Variants in PRKN observed in about 807,000 individuals in gnomAD.
The protein encoded by PRKN is E3 ubiquitin-protein ligase parkin.
In PRKN, 56 loss-of-function variants were observed where a neutral mutation model predicts 59.5. That is an observed-to-expected ratio of 0.94 (90% CI 0.76 to 1.18). The LOEUF is 1.18. Ranked by LOEUF, PRKN falls within the 50% of genes most tolerant of loss-of-function variation. PRKN has a pLI of 0.00. For missense variants in PRKN, 657 were observed against 596.4 expected (o/e 1.10, Z -1.06); for synonymous variants, 250 against 222.1 (o/e 1.13, Z -1.12).
At chr6:162,160,364 G>T (rs899320914) in intron 4 of PRKN, among the ~76,000 whole-genome samples, 5 of 152,122 alleles carry the variant, frequency 3.3e-5, no homozygotes, top group African/African-American at 9.7e-5. Flanking sequence ...AAATTATAGT[G>T]ACATAAAACC....
At chr6:162,134,737 T>C (rs1309991821) in intron 4 of PRKN, among the ~76,000 whole-genome samples, 1 of 152,078 alleles carries the variant, frequency 6.6e-6, no homozygotes, top group Non-Finnish European at 1.5e-5. Context: ...GCATGGAGAA[T>C]TGATTGGAAA....
intron 4 of PRKN, among the ~76,000 whole-genome samples, chr6:162,058,209 A>G (rs979144702): frequency 6.6e-6 from 1 of 152,218 alleles, no homozygotes; most frequent in Admixed American, 6.5e-5. Context: ...CCTTGGCTTC[A>G]TATTACTTTC....
At chr6:162,075,657 G>C (rs555113342) in intron 4 of PRKN, among the ~76,000 whole-genome samples, 1 of 151,920 alleles carries the variant, frequency 6.6e-6, no homozygotes, top group Non-Finnish European at 1.5e-5. Flanking sequence ...GTTTTGGAGT[G>C]GTGGAGGTGA....
rs1032524044 is a variant in PRKN, at chr6:161,470,286, T to C, written c.1083+78568A>G. On this transcript the variant is annotated intron_variant, in intron 9 of 11. Transcript: ENST00000366898. The surrounding 1 kb of genome is among the most constrained non-coding windows in gnomAD (Gnocchi z 5.1). ...CTTTGCTGTCATAGGCCCATTAGGGTATTATTTAATGTAGTCACTCATCTA... is the reference window on the plus strand; with the variant it reads ...CTTTGCTGTCATAGGCCCATTAGGGCATTATTTAATGTAGTCACTCATCTA... Among the ~76,000 whole-genome samples the C allele has an allele frequency of 1.3e-5, 2 of 152,224 alleles. No homozygotes were observed. The highest frequency in any genetic ancestry group is 2.9e-5 in the Non-Finnish European group (2 of 68,030).
intron 1 of PRKN, among the ~76,000 whole-genome samples, chr6:162,556,370 T>TGTGCGCGC (rs1209351399): frequency 4.0e-5 from 4 of 99,298 alleles, no homozygotes; most frequent in Non-Finnish European, 7.2e-5. Flanking sequence ...TGTGTGTGTG[T>TGTGCGCGC]GTGTGTGTGT....
At chr6:162,146,545 C>T (rs781549473) in intron 4 of PRKN, among the ~76,000 whole-genome samples, 23 of 151,472 alleles carry the variant, frequency 1.5e-4, no homozygotes, top group Non-Finnish European at 2.4e-4. Flanking sequence ...TGCTCAGTCA[C>T]GCAAGCAGGA....
intron 1 of PRKN, among the ~76,000 whole-genome samples, chr6:162,694,278 T>C (rs1268602531): frequency 2.7e-5 from 4 of 148,380 alleles, no homozygotes; most frequent in Non-Finnish European, 5.9e-5. Flanking sequence ...GGAGTGCTGG[T>C]AGACATTTCT....
chr6:161,366,036 G>A (rs1785183201), intron 10 of PRKN, among the ~76,000 whole-genome samples: 1 of 152,206 alleles, frequency 6.6e-6, no homozygotes, highest in African/African-American at 2.4e-5. Flanking sequence ...TCCCCGGATC[G>A]ATATGTTGAA....
chr6:161,897,984 A>AAAAAAAAAAAAAAAAT lies in PRKN; in HGVS notation c.734+75317_734+75318insATTTTTTTTTTTTTTT, dbSNP rs1554244227. On this transcript the variant is annotated intron_variant, in intron 6 of 11. Coordinates refer to ENST00000366898, the MANE Select transcript of PRKN (RefSeq NM_004562.3). ...TCCGTCTCAAAAAAAAAAAAAAAAA[A>AAAAAAAAAAAAAAAAT]GTCTCCCAGTTGCATAGAAAAGGTT... Among the ~76,000 whole-genome samples the AAAAAAAAAAAAAAAAT allele has an allele frequency of 1.9e-3, 229 of 117,654 alleles. 20 individuals carry two copies. The highest frequency in any genetic ancestry group is 0.01 in the South Asian group (40 of 3,822). The allele number at this position is 117,654 out of a possible 152,430, so 77.2% of individuals were successfully genotyped here.
intron 1 of PRKN, among the ~76,000 whole-genome samples, chr6:162,602,722 C>T (rs1229916969): frequency 6.6e-6 from 1 of 152,178 alleles, no homozygotes; most frequent in African/African-American, 2.4e-5. Flanking sequence ...AACATTTTCA[C>T]ATGCAAACAA....
At chr6:162,438,782 C>G (rs2128165887) in intron 2 of PRKN, among the ~76,000 whole-genome samples, 1 of 152,208 alleles carries the variant, frequency 6.6e-6, no homozygotes, top group Middle Eastern at 3.4e-3. Context: ...TTGGGTTTTT[C>G]CTGTTTTAGA....
intron 4 of PRKN, among the ~76,000 whole-genome samples, chr6:162,136,313 T>C (rs1781562932): frequency 6.6e-6 from 1 of 152,144 alleles, no homozygotes; most frequent in East Asian, 1.9e-4. Context: ...AACGATTTGA[T>C]GCATTTCAGC....
At chr6:162,404,832 G>A (rs1345397723) in intron 2 of PRKN, among the ~76,000 whole-genome samples, 6 of 152,108 alleles carry the variant, frequency 3.9e-5, no homozygotes, top group Admixed American at 1.3e-4. Context: ...GATTACAGGC[G>A]TGAGCTACTG....
At chr6:162,384,653 A>AAC (rs1213231463) in intron 2 of PRKN, among the ~76,000 whole-genome samples, 8 of 135,516 alleles carry the variant, frequency 5.9e-5, no homozygotes, top group South Asian at 5.4e-4. Context: ...TTTGTAAAAA[A>AAC]AAAAAAAAAC....
chr6:161,698,824 A>G (rs1197977477), intron 7 of PRKN, among the ~76,000 whole-genome samples: 1 of 152,196 alleles, frequency 6.6e-6, no homozygotes, highest in African/African-American at 2.4e-5. Flanking sequence ...AAGGTAAAAC[A>G]CTAAACTATA....
chr6:162,268,259 G>C (rs1445607167), intron 2 of PRKN, among the ~76,000 whole-genome samples: 1 of 152,094 alleles, frequency 6.6e-6, no homozygotes, highest in African/African-American at 2.4e-5. Flanking sequence ...TGAAGAGGTG[G>C]AGCCTCTAGA....
At chr6:161,481,611 A>T (rs775384584) in intron 9 of PRKN, among the ~76,000 whole-genome samples, 1 of 152,126 alleles carries the variant, frequency 6.6e-6, no homozygotes, top group Admixed American at 6.5e-5. Context: ...TCAAAAAACA[A>T]AAAAACAAAA....
chr6:161,694,985 C>A (rs916813043), intron 7 of PRKN, among the ~76,000 whole-genome samples: 6 of 151,994 alleles, frequency 3.9e-5, no homozygotes, highest in Non-Finnish European at 8.8e-5. Context: ...TCGGTGGGAC[C>A]CAGGCATCGG....
At chr6:162,689,409 G>A (rs1777687734) in intron 1 of PRKN, among the ~76,000 whole-genome samples, 1 of 151,626 alleles carries the variant, frequency 6.6e-6, no homozygotes, top group South Asian at 2.1e-4. Context: ...GGCTTCTATT[G>A]CCTGTTAGGC....
Sources: allele counts gnomAD v4.1 joint callset (sites outside exome capture counted in the v4.1 genomes callset), GRCh38; gene constraint gnomAD v4.1.1; non-coding constraint Gnocchi (gnomAD v3.1); transcripts MANE v1.5; gene names NCBI Gene and HGNC (gene_info 2026-07-23, HGNC 2026-07-21).